FBXL4: variants seen among roughly 807,000 people sequenced by gnomAD.
FBXL4 encodes F-box and leucine rich repeat protein 4.
In FBXL4, 40 loss-of-function variants were observed where a neutral mutation model predicts 58.9. The observed-to-expected ratio is 0.68, with a 90% CI of 0.53 to 0.88. FBXL4 has a LOEUF of 0.88. Among genes scored for constraint, FBXL4 ranks in the 40% least tolerant of loss-of-function variants. The pLI, the probability that FBXL4 is intolerant of heterozygous loss-of-function variation, is 0.00. For synonymous variants in FBXL4, 263 were observed against 265.5 expected, an observed-to-expected ratio of 0.99 and a Z score of 0.09; for missense variants, 676 against 734.4, an observed-to-expected ratio of 0.92 and a Z score of 0.92.
chr6:98,930,167 G>A (rs1046473783), intron 2 of FBXL4, among the ~76,000 whole-genome samples: 1 of 152,172 alleles, frequency 6.6e-6, no homozygotes, highest in Non-Finnish European at 1.5e-5. Flanking sequence ...ATAGTCAGTG[G>A]ACTCACCAAA....
intron 1 of FBXL4, among the ~76,000 whole-genome samples, chr6:98,938,955 G>A (rs1773325727): frequency 1.3e-5 from 2 of 151,646 alleles, no homozygotes; most frequent in African/African-American, 4.8e-5. Context: ...AAGTGTGGTG[G>A]TGTGCACCTG....
At chr6:98,898,668 C>A in intron 7 of FBXL4, 1 of 984,742 alleles carries the variant, frequency 1.0e-6, no homozygotes, top group Non-Finnish European at 1.2e-6. Flanking sequence ...AAAAGGAAAA[C>A]AACTGGAAAA....
intron 2 of FBXL4, among the ~76,000 whole-genome samples, chr6:98,934,224 C>T (rs1045596328): frequency 1.2e-4 from 18 of 151,978 alleles, no homozygotes; most frequent in Non-Finnish European, 2.2e-4. Flanking sequence ...TAAAACAGTA[C>T]GTTGATTATG....
At chr6:98,946,322 C>T (rs1249820790) in intron 1 of FBXL4, among the ~76,000 whole-genome samples, 1 of 152,104 alleles carries the variant, frequency 6.6e-6, no homozygotes, top group African/African-American at 2.4e-5. Context: ...TTAGAGCCTT[C>T]TTATCTCACA....
intron 6 of FBXL4, 75 bp downstream of exon 6, chr6:98,905,351 T>C: frequency 2.0e-6 from 3 of 1,514,384 alleles, no homozygotes; most frequent in Non-Finnish European, 2.7e-6. Context: ...CAAACTTTTA[T>C]TATGAAAACC....
intron 7 of FBXL4, among the ~76,000 whole-genome samples, chr6:98,896,507 G>C (rs1771414787): frequency 6.6e-6 from 1 of 152,174 alleles, no homozygotes. Flanking sequence ...AAAGCAATGA[G>C]TTCGGAGGCA....
chr6:98,900,382 A>G (rs918346555), intron 6 of FBXL4, among the ~76,000 whole-genome samples: 3 of 152,210 alleles, frequency 2.0e-5, no homozygotes, highest in Non-Finnish European at 4.4e-5. Context: ...CCACATCTTT[A>G]TTCCTAAATG....
intron 4 of FBXL4, 78 bp from the exon 5 acceptor site, chr6:98,917,797 C>A: frequency 2.2e-6 from 2 of 922,636 alleles, no homozygotes; most frequent in South Asian, 2.0e-5. Context: ...GACCCATGCC[C>A]AATATGTCAC....
At chr6:98,933,108 A>G (rs1184307075) in intron 2 of FBXL4, among the ~76,000 whole-genome samples, 1 of 152,178 alleles carries the variant, frequency 6.6e-6, no homozygotes, top group Non-Finnish European at 1.5e-5. Flanking sequence ...AAAACAGGGG[A>G]ATGAAAGAAA....
Position 98,882,336 on chromosome 6 carries a change from T to C in FBXL4, c.1318-1712A>G, listed in dbSNP as rs550331442. Among the ~76,000 whole-genome samples the C allele has an allele frequency of 2.0e-5, 3 of 152,144 alleles. No individual in the cohort carries two copies. In the East Asian group the frequency reaches 5.8e-4, roughly 29 times the overall value. On this transcript the variant is annotated intron_variant, in intron 7 of 9. Transcript: ENST00000369244. ...TTATCATGACTCGGTGTTTAAAACATGCTTGAAAATATATAATTTTCCAAT... is the reference window on the plus strand; with the variant it reads ...TTATCATGACTCGGTGTTTAAAACACGCTTGAAAATATATAATTTTCCAAT...
Position 98,905,435 on chromosome 6 carries a change from C to G in FBXL4, c.1094G>C (p.Gly365Ala). The G allele has an allele frequency of 6.2e-7, 1 of 1,613,966 alleles. No individual in the cohort carries two copies. Among genetic ancestry groups the G allele is most frequent in the Non-Finnish European group, 8.5e-7 (1 of 1,179,894 alleles). The change falls in exon 6 of 10, where the codon GGA (glycine) becomes GCA (alanine). Residue 365 changes from glycine (G) to alanine (A), a missense_variant. Physicochemically the swap from Gly to Ala is moderately conservative, Grantham distance 60 (BLOSUM62 0). Coordinates refer to ENST00000369244, the MANE Select transcript of FBXL4 (RefSeq NM_001278716.2). ...AAGGCTTTGTACTAACCTGCTAAAT[C>G]CTGCAACAGAGATGAAGCCTCTATT... The part of the protein sequence containing the change: ...TGNRGFISVA[G>A]FSRFLKVCGS...
At chr6:98,912,273 C>A (rs1362564464) in intron 5 of FBXL4, among the ~76,000 whole-genome samples, 1 of 152,192 alleles carries the variant, frequency 6.6e-6, no homozygotes, top group Non-Finnish European at 1.5e-5. Flanking sequence ...TCCAGGAGAA[C>A]TTCCCCAATC....
At chr6:98,896,306 G>A (rs927773953) in intron 7 of FBXL4, among the ~76,000 whole-genome samples, 8 of 152,274 alleles carry the variant, frequency 5.3e-5, no homozygotes, top group South Asian at 2.1e-4. Context: ...GTGACATAAC[G>A]CTTTGCTTAA....
intron 5 of FBXL4, among the ~76,000 whole-genome samples, chr6:98,907,504 T>A (rs10456990): frequency 0.36 from 54,298 of 151,990 alleles, 10,235 homozygotes; most frequent in Middle Eastern, 0.46. Context: ...CAAGAGATTG[T>A]TATCTCTAAT....
At chr6:98,939,816 C>T (rs1275941046) in intron 1 of FBXL4, among the ~76,000 whole-genome samples, 3 of 152,234 alleles carry the variant, frequency 2.0e-5, no homozygotes, top group Admixed American at 1.3e-4. Context: ...GTGAGAATCA[C>T]AAGAAATCAC....
chr6:98,869,208 T>C lies in FBXL4; in HGVS notation c.*5070A>G, dbSNP rs945621398. ...GTTTCTCTGAAGTATCAATATCAAA[T>C]GTGCTAAAAGGAGAAAAGTAGATGC... On this transcript the variant is annotated 3_prime_UTR_variant, in exon 10 of 10. Transcript: ENST00000369244. 3.3e-5 allele frequency: 5 copies of C among 152,236 alleles called. No individual in the cohort carries two copies. Among genetic ancestry groups the C allele is most frequent in the African/African-American group, 1.2e-4 (5 of 41,468 alleles). The allele number at this position is 152,236 out of a possible 1,614,324, so 9.4% of individuals were successfully genotyped here. A position where few individuals can be genotyped will look rare whatever the true frequency, so the allele number is the denominator to read the frequency against.
intron 7 of FBXL4, among the ~76,000 whole-genome samples, chr6:98,890,783 G>C (rs940301556): frequency 2.0e-5 from 3 of 152,094 alleles, no homozygotes; most frequent in Non-Finnish European, 4.4e-5. Context: ...GCCGGGCATG[G>C]TGGCACACGC....
chr6:98,903,451 A>G (rs1054769343), intron 6 of FBXL4, among the ~76,000 whole-genome samples: 1 of 152,198 alleles, frequency 6.6e-6, no homozygotes, highest in Non-Finnish European at 1.5e-5. Context: ...TGGCTGAAAT[A>G]CTACAGTAAA....
chr6:98,942,790 A>C (rs370083270), intron 1 of FBXL4, among the ~76,000 whole-genome samples: 5 of 152,290 alleles, frequency 3.3e-5, no homozygotes, highest in African/African-American at 1.2e-4. Context: ...AAAACCAAGA[A>C]TGTAAAGAAG....
Sources: allele counts gnomAD v4.1 joint callset (sites outside exome capture counted in the v4.1 genomes callset), GRCh38; gene constraint gnomAD v4.1.1; transcripts MANE v1.5; gene names NCBI Gene and HGNC (gene_info 2026-07-23, HGNC 2026-07-21).